The following SYNE1 variants were observed in gnomAD, a reference collection of about 807,000 sequenced individuals.
SYNE1 encodes nesprin-1.
SYNE1 carries 616 observed loss-of-function variants against 1,111.0 expected under a neutral mutation model. The observed-to-expected ratio is 0.55, with a 90% CI of 0.52 to 0.59. SYNE1 has a LOEUF of 0.59. Ranked by LOEUF, SYNE1 falls within the 20% of genes least tolerant of loss-of-function variation. The probability of loss-of-function intolerance (pLI) is 0.00; values close to 1 mark genes in which losing one functional copy is unlikely to be tolerated. For synonymous variants in SYNE1, 3,855 were observed against 3,825.8 expected (o/e 1.01, Z -0.28); for missense variants, 10,006 against 10,417.0 (o/e 0.96, Z 1.72).
chr6:152,203,800 A>G (rs1697231514), intron 126 of SYNE1, among the ~76,000 whole-genome samples: 1 of 152,090 alleles, frequency 6.6e-6, no homozygotes, highest in African/African-American at 2.4e-5. Flanking sequence ...AACTTCTTAG[A>G]GTGCATAACC....
At chr6:152,624,663 T>C (rs758314640) in intron 3 of SYNE1, among the ~76,000 whole-genome samples, 21 of 152,188 alleles carry the variant, frequency 1.4e-4, no homozygotes, top group Non-Finnish European at 2.8e-4. Flanking sequence ...GAAACATTCA[T>C]TATTCTTAAA....
At chr6:152,153,237 C>T (rs953111854) in intron 133 of SYNE1, among the ~76,000 whole-genome samples, 2 of 152,244 alleles carry the variant, frequency 1.3e-5, no homozygotes, top group Middle Eastern at 3.4e-3. Context: ...AGTTATTTCT[C>T]CAGCAAAGGG....
At chr6:152,257,331 A>C (rs536474980) in intron 101 of SYNE1, among the ~76,000 whole-genome samples, 1 of 152,278 alleles carries the variant, frequency 6.6e-6, no homozygotes, top group South Asian at 2.1e-4. Flanking sequence ...CCAGGAGTTC[A>C]AGACCGGCCT....
intron 3 of SYNE1, among the ~76,000 whole-genome samples, chr6:152,545,030 G>T (rs1374716296): frequency 6.6e-6 from 1 of 152,096 alleles, no homozygotes; most frequent in Non-Finnish European, 1.5e-5. Flanking sequence ...TTACAAAAAT[G>T]TTAAAATACA....
In SYNE1 at chr6:152,450,615, C is replaced by T. The variant is rs745315939; in HGVS notation, c.3395+10G>A. ...ACTACACCCCTCTCTGGAGGCCATTCTGAGGCTACCTGCTAGTGTAGTCCT... is the reference window on the plus strand; with the variant it reads ...ACTACACCCCTCTCTGGAGGCCATTTTGAGGCTACCTGCTAGTGTAGTCCT... On this transcript the variant is annotated intron_variant, in intron 27 of 145. Coordinates refer to ENST00000367255, the MANE Select transcript of SYNE1 (RefSeq NM_182961.4). 1 of 1,613,502 alleles carries T rather than the reference C, an allele frequency of 6.2e-7. No homozygotes were observed. The highest frequency in any genetic ancestry group is 1.7e-5 in the Admixed American group (1 of 60,028).
chr6:152,184,685 AT>A (rs2069264973), intron 128 of SYNE1, among the ~76,000 whole-genome samples: 1 of 151,880 alleles, frequency 6.6e-6, no homozygotes, highest in African/African-American at 2.4e-5. Flanking sequence ...GATAAAATAT[AT>A]ATTAAATCCC....
At chr6:152,389,138 C>T (rs1253277590) in intron 53 of SYNE1, among the ~76,000 whole-genome samples, 1 of 152,138 alleles carries the variant, frequency 6.6e-6, no homozygotes, top group Non-Finnish European at 1.5e-5. Flanking sequence ...GTTCACATTG[C>T]CGTGGATAAC....
intron 55 of SYNE1, among the ~76,000 whole-genome samples, chr6:152,383,998 C>G (rs1037704532): frequency 6.6e-6 from 1 of 152,200 alleles, no homozygotes; most frequent in Admixed American, 6.5e-5. Context: ...CATGCTATAG[C>G]CCATTAATCA....
chr6:152,434,040 G>A, intron 33 of SYNE1, 95 bp from the exon 34 acceptor site: 2 of 1,139,996 alleles, frequency 1.8e-6, no homozygotes, highest in Non-Finnish European at 2.5e-6. Flanking sequence ...AGATAATGAA[G>A]ACATTTGTGA....
intron 3 of SYNE1, among the ~76,000 whole-genome samples, chr6:152,621,185 A>G (rs932621191): frequency 1.3e-5 from 2 of 152,176 alleles, no homozygotes; most frequent in Admixed American, 6.6e-5. Flanking sequence ...TTTGGCTGAC[A>G]TAGGTGGATA....
intron 32 of SYNE1, 94 bp from the exon 33 acceptor site, chr6:152,436,195 T>C (rs2098472622): frequency 2.3e-6 from 3 of 1,321,452 alleles, no homozygotes; most frequent in Middle Eastern, 4.6e-4. Context: ...AACAGATGGG[T>C]GGATGAAGAC....
chr6:152,522,758 T>G (rs1164715135), intron 5 of SYNE1, among the ~76,000 whole-genome samples: 1 of 152,122 alleles, frequency 6.6e-6, no homozygotes, highest in Non-Finnish European at 1.5e-5. Context: ...CTTGCAGGGG[T>G]AAGGTGGTAT....
intron 3 of SYNE1, among the ~76,000 whole-genome samples, chr6:152,577,871 T>C (rs1373505019): frequency 6.6e-6 from 1 of 152,156 alleles, no homozygotes; most frequent in African/African-American, 2.4e-5. Flanking sequence ...GCAAAATGCT[T>C]ATAGTATCCA....
intron 6 of SYNE1, among the ~76,000 whole-genome samples, chr6:152,519,227 G>A (rs1048455459): frequency 1.3e-5 from 2 of 152,150 alleles, no homozygotes; most frequent in Admixed American, 1.3e-4. Context: ...TGCCCCAGTA[G>A]CAATGAAATA....
At chr6:152,453,849 C>T (rs1214765767) in intron 24 of SYNE1, 129 bp from the exon 25 acceptor site, 2 of 1,129,158 alleles carry the variant, frequency 1.8e-6, no homozygotes, top group African/African-American at 1.5e-5. Context: ...TTCCAGGCAC[C>T]CACTATTGTT....
chr6:152,168,031 T>C, intron 130 of SYNE1: 1 of 780,342 alleles, frequency 1.3e-6, no homozygotes, highest in Non-Finnish European at 2.4e-6. Context: ...CAGTTCTGGA[T>C]TAAGGCTTCC....
intron 3 of SYNE1, among the ~76,000 whole-genome samples, chr6:152,603,404 G>A (rs1281068414): frequency 6.6e-6 from 1 of 152,056 alleles, no homozygotes; most frequent in East Asian, 1.9e-4. Flanking sequence ...GATTTTAAAC[G>A]AAAATGCTAT....
At chr6:152,567,016 T>C (rs1398260859) in intron 3 of SYNE1, among the ~76,000 whole-genome samples, 1 of 151,726 alleles carries the variant, frequency 6.6e-6, no homozygotes, top group Non-Finnish European at 1.5e-5. Flanking sequence ...TGTGTGTGTG[T>C]GTGTGTGTAT....
chr6:152,369,954 G>T (rs998743546), intron 59 of SYNE1, among the ~76,000 whole-genome samples: 1 of 120,982 alleles, frequency 8.3e-6, no homozygotes, highest in Non-Finnish European at 1.6e-5. Flanking sequence ...CTGCACTCCA[G>T]CCTGGGTGAC....
Sources: gnomAD v4.1 joint callset for allele counts (sites outside exome capture counted in the v4.1 genomes callset) on GRCh38, gnomAD v4.1.1 for gene constraint, MANE v1.5 for transcripts, NCBI Gene and HGNC (gene_info 2026-07-23, HGNC 2026-07-21) for gene names.